Variants in SIRPB1 observed in about 807,000 individuals in gnomAD.
The protein encoded by SIRPB1 is signal regulatory protein beta 1.
SIRPB1 carries 28 observed loss-of-function variants against 34.1 expected under a neutral mutation model. The ratio of observed to expected loss-of-function variants is 0.82; its 90% CI spans 0.61 to 1.12. The LOEUF (loss-of-function observed/expected upper bound fraction) is 1.12. SIRPB1 is among the 50% of genes most tolerant of loss of function. The pLI is 0.00. For missense variants in SIRPB1, 499 were observed against 507.0 expected (o/e 0.98, Z 0.15); for synonymous variants, 211 against 203.8 (o/e 1.04, Z -0.30).
Position 1,589,661 on chromosome 20 carries a change from T to C in SIRPB1, c.77-10967A>G, listed in dbSNP as rs1367018042. ...CCCAGTAGGTCATTATTGATGCTAA[T>C]GACACCAGGTGAAGAGCGGGAACTC... is the stretch of plus-strand genomic sequence containing the variant. On this transcript the variant is annotated intron_variant, in intron 1 of 5. Transcript: ENST00000381605. Among the ~76,000 whole-genome samples, 2 of 48,760 alleles carry C rather than the reference T, an allele frequency of 4.1e-5. 1 individual carries two copies. The highest frequency in any genetic ancestry group is 7.9e-5 in the Non-Finnish European group (2 of 25,374). The allele number at this position is 48,760 out of a possible 152,430, so 32.0% of individuals were successfully genotyped here.
chr20:1,616,078 A>G (rs1206998313), intron 1 of SIRPB1, among the ~76,000 whole-genome samples: 1 of 152,238 alleles, frequency 6.6e-6, no homozygotes, highest in Non-Finnish European at 1.5e-5. Context: ...ATAGAACAAA[A>G]ATAATGGAAA....
At position 1,595,630 on chromosome 20, in the gene SIRPB1, A is replaced by C. The variant is rs1427165581; in HGVS notation, c.77-16936T>G. 4.1e-5 allele frequency among the ~76,000 whole-genome samples: 2 copies of C among 48,890 alleles called. 1 individual carries two copies. The highest frequency in any genetic ancestry group is 7.9e-5 in the Non-Finnish European group (2 of 25,298). 32.1% of individuals were successfully genotyped at this position (48,890 alleles called of 152,430 possible). The stretch of plus-strand genomic sequence containing the variant: ...GTACTGGAGAGAGGTTGACTGACAT[A>C]GAGCCTGCTCTATGTCCCAGAGACT... On this transcript the variant is annotated intron_variant, in intron 1 of 5. Transcript: ENST00000381605.
At chr20:1,565,658 ACT>A (rs1297936572) in intron 5 of SIRPB1, among the ~76,000 whole-genome samples, 161 bp from the exon 6 acceptor site, 3 of 148,678 alleles carry the variant, frequency 2.0e-5, no homozygotes, top group Non-Finnish European at 4.4e-5. Flanking sequence ...CTGAGATAGG[ACT>A]CTGCCAGCTC....
Position 1,564,497 on chromosome 20 carries a change from T to G in SIRPB1, c.*1003A>C, listed in dbSNP as rs919239779. The G allele has an allele frequency of 4.6e-4, 74 of 159,324 alleles. No individual in the cohort carries two copies. Among genetic ancestry groups the G allele is most frequent in the Non-Finnish European group, 2.7e-5 (2 of 72,864 alleles). 9.9% of individuals were successfully genotyped at this position (159,324 alleles called of 1,614,324 possible). A position where few individuals can be genotyped will look rare whatever the true frequency, so the allele number is the denominator to read the frequency against. ...AGCAGAGAAGTGATATGATTTGACT[T>G]TTCCAAAGAATCACTGTGGCTGAAA... is the stretch of plus-strand genomic sequence containing the variant. On this transcript the variant is annotated 3_prime_UTR_variant, in exon 6 of 6. Transcript: ENST00000381605.
rs778017430 is a variant in SIRPB1 at position 1,611,399 on chromosome 20, C to T, written c.76+8470G>A. 2.5e-5 allele frequency: 23 copies of T among 918,710 alleles called. 7 individuals are homozygous for T. The highest frequency in any genetic ancestry group is 3.2e-5 in the Non-Finnish European group (22 of 695,894). The allele number at this position is 918,710 out of a possible 1,614,324, so 56.9% of individuals were successfully genotyped here. A position where few individuals can be genotyped will look rare whatever the true frequency, so the allele number is the denominator to read the frequency against. ...GTGCCTGCTCCAGACTTAAACTCCACGTGGTCGGGGCTCCCTTTCCGGAAC... is the reference window on the plus strand; with the variant it reads ...GTGCCTGCTCCAGACTTAAACTCCATGTGGTCGGGGCTCCCTTTCCGGAAC... On this transcript the variant is annotated intron_variant, in intron 1 of 5. Transcript: ENST00000381605.
chr20:1,578,844 C>T, intron 1 of SIRPB1, 150 bp from the exon 2 acceptor site: 1 of 684,734 alleles, frequency 1.5e-6, no homozygotes, highest in East Asian at 2.5e-5. Flanking sequence ...ATTTAACCCT[C>T]ACAACTGGCC....
chr20:1,578,524 CTT>C lies in SIRPB1; in HGVS notation c.245_246del (p.Lys82ArgfsTer27). The C allele has an allele frequency of 1.9e-6, 3 of 1,583,898 alleles. No homozygotes were observed. Among genetic ancestry groups the C allele is most frequent in the South Asian group, 2.2e-5 (2 of 90,514 alleles). On this transcript the variant is annotated frameshift_variant, in exon 2 of 6. Coordinates refer to ENST00000381605, the MANE Select transcript of SIRPB1 (RefSeq NM_006065.5). LOFTEE classifies it high-confidence loss of function. ...GTTGTTACCCGTGGGAAGTGGCCTT[CTT>C]TCTGATTGTAGATTAATTCCCGGCC... ...GAGRELIYNQ[K>X]EGHFPRVTTV... is the part of the protein sequence containing the mutation.
chr20:1,571,937 G>A lies in SIRPB1; in HGVS notation c.534C>T (p.Asp178=). The A allele has an allele frequency of 1.9e-6, 3 of 1,614,186 alleles. No individual in the cohort carries two copies. The highest frequency in any genetic ancestry group is 2.5e-6 in the Non-Finnish European group (3 of 1,180,034). The part of the protein sequence containing the change: ...TCESHGFSPR[D]ITLKWFKNGN... Reference sequence around the variant, plus strand: ...CATTTTTGAACCATTTCAGGGTGATGTCTCTGGGAGAGAAGCCATGGGACT... The same window carrying A: ...CATTTTTGAACCATTTCAGGGTGATATCTCTGGGAGAGAAGCCATGGGACT... The change falls in exon 3 of 6, where the codon GAC becomes GAT. Residue 178 remains aspartate (D), a synonymous_variant. Coordinates refer to ENST00000381605, the MANE Select transcript of SIRPB1 (RefSeq NM_006065.5).
In SIRPB1 at chr20:1,580,090, G is replaced by C. The variant is rs187184961; in HGVS notation, c.77-1396C>G. 8.5e-4 allele frequency among the ~76,000 whole-genome samples: 126 copies of C among 148,396 alleles called. 9 individuals carry two copies. Among genetic ancestry groups the C allele is most frequent in the African/African-American group, 2.7e-3 (112 of 40,898 alleles). On this transcript the variant is annotated intron_variant, in intron 1 of 5. Transcript: ENST00000381605. ...ACCATTTCACTACGTATATGTACAT[G>C]TATACATATATGAAAGCACCATGTT... is the stretch of plus-strand genomic sequence containing the variant.
In SIRPB1 at chr20:1,563,270, G is replaced by C. The variant is rs2091094428; in HGVS notation, c.*2230C>G. 6.6e-6 allele frequency among the ~76,000 whole-genome samples: 1 copy of C among 152,128 alleles called. No individual in the cohort carries two copies. Among genetic ancestry groups the C allele is most frequent in the Non-Finnish European group, 1.5e-5 (1 of 68,028 alleles). On this transcript the variant is annotated 3_prime_UTR_variant, in exon 6 of 6. Coordinates refer to ENST00000381605, the MANE Select transcript of SIRPB1 (RefSeq NM_006065.5). ...GCACTTTGGGAGGCCAAGACAGGTG[G>C]ATCACCTGAGGTCGGGAGTTCAAGA...
In SIRPB1 at chr20:1,620,004, T is replaced by C; in HGVS notation, c.-60A>G. On this transcript the variant is annotated 5_prime_UTR_variant, in exon 1 of 6. Coordinates refer to ENST00000381605, the MANE Select transcript of SIRPB1 (RefSeq NM_006065.5). Reference sequence around the variant, plus strand: ...TCTGTGCTGGGAAGATCGCAGACTCTGCTCTGAGGAGAGAAGACAAGCCCT... The same window carrying C: ...TCTGTGCTGGGAAGATCGCAGACTCCGCTCTGAGGAGAGAAGACAAGCCCT... 1 of 1,503,878 alleles carries C rather than the reference T, an allele frequency of 6.6e-7. No homozygotes were observed. The highest frequency in any genetic ancestry group is 9.0e-7 in the Non-Finnish European group (1 of 1,111,482). 93.2% of individuals were successfully genotyped at this position (1,503,878 alleles called of 1,614,324 possible).
Position 1,571,099 on chromosome 20 carries a change from C to T in SIRPB1, c.790G>A (p.Ala264Thr). ...CAGGTGACGTTTGCCTGGTTCTCTG[C>T]CCTCATGGGCTGTTGAGTAACCTCC... ...TLEVTQQPMR[A>T]ENQANVTCQV... The change falls in exon 4 of 6, where the codon GCA becomes ACA. Residue 264 changes from alanine to threonine, a missense_variant. By Grantham distance (58) the Ala-to-Thr change is moderately conservative (BLOSUM62 0). Transcript: ENST00000381605. 2 of 1,613,946 alleles carry T rather than the reference C, an allele frequency of 1.2e-6. No homozygotes were observed.
intron 4 of SIRPB1, 119 bp downstream of exon 4, chr20:1,570,686 T>C (rs1191918899): frequency 5.8e-6 from 5 of 869,120 alleles, no homozygotes; most frequent in Middle Eastern, 3.5e-4. Flanking sequence ...AGGATTTTAA[T>C]GTAGACGTTA....
chr20:1,568,866 C>T (rs1223676748), intron 4 of SIRPB1, among the ~76,000 whole-genome samples: 3 of 149,546 alleles, frequency 2.0e-5, no homozygotes, highest in African/African-American at 7.4e-5. Context: ...ACTGAAAACA[C>T]AAAAACAATA....
chr20:1,568,455 A>G (rs2091174662), intron 4 of SIRPB1, among the ~76,000 whole-genome samples: 1 of 152,238 alleles, frequency 6.6e-6, no homozygotes, highest in African/African-American at 2.4e-5. Context: ...GCCCTCTCTC[A>G]GCCCCAGTGG....
At chr20:1,619,273 G>A (rs2091674049) in intron 1 of SIRPB1, among the ~76,000 whole-genome samples, 1 of 152,200 alleles carries the variant, frequency 6.6e-6, no homozygotes, top group African/African-American at 2.4e-5. Flanking sequence ...CCAGTAAGCA[G>A]CAAATGTGGA....
chr20:1,617,214 A>C (rs372062504), intron 1 of SIRPB1, among the ~76,000 whole-genome samples: 1 of 152,214 alleles, frequency 6.6e-6, no homozygotes, highest in East Asian at 1.9e-4. Flanking sequence ...AAATGACATA[A>C]GCATGTCACA....
intron 4 of SIRPB1, among the ~76,000 whole-genome samples, chr20:1,569,161 C>T (rs370190191): frequency 2.6e-5 from 4 of 152,218 alleles, no homozygotes. Flanking sequence ...TGTGAATAAC[C>T]CTAAACTATT....
chr20:1,567,509 C>T (rs892205480), intron 4 of SIRPB1, among the ~76,000 whole-genome samples: 2 of 152,160 alleles, frequency 1.3e-5, no homozygotes, highest in African/African-American at 4.8e-5. Flanking sequence ...CTTTATGCAT[C>T]CTCAGGTGGC....
Sources: allele counts gnomAD v4.1 joint callset (sites outside exome capture counted in the v4.1 genomes callset), GRCh38; gene constraint gnomAD v4.1.1; transcripts MANE v1.5; gene names NCBI Gene and HGNC (gene_info 2026-07-23, HGNC 2026-07-21).